Variants in ZNF710 observed in about 807,000 individuals in gnomAD.
ZNF710 encodes zinc finger protein 710.
Under a neutral mutation model 50.6 loss-of-function variants are expected in ZNF710, and 13 were observed. The observed-to-expected ratio is 0.26, with a 90% confidence interval of 0.17 to 0.41. The LOEUF (loss-of-function observed/expected upper bound fraction) is 0.41. ZNF710 is among the 10% of genes least tolerant of loss of function. The probability of loss-of-function intolerance (pLI) is 1.00; values close to 1 mark genes in which losing one functional copy is unlikely to be tolerated. For synonymous variants in ZNF710, 383 were observed against 397.0 expected (o/e 0.96, Z 0.42); for missense variants, 721 against 936.6 (o/e 0.77, Z 3.01).
At chr15:90,021,419 T>C (rs930266887) in intron 1 of ZNF710, among the ~76,000 whole-genome samples, 7 of 152,232 alleles carry the variant, frequency 4.6e-5, no homozygotes, top group African/African-American at 9.6e-5. Flanking sequence ...CTACTTTTCA[T>C]AGCTACACTG....
chr15:90,056,363 G>A (rs768439338), intron 1 of ZNF710, among the ~76,000 whole-genome samples: 9 of 151,994 alleles, frequency 5.9e-5, no homozygotes, highest in Non-Finnish European at 1.0e-4. Flanking sequence ...GCGGTGAGCC[G>A]AGATCATACC....
At chr15:89,998,582 C>T (rs1022793686), upstream of ZNF710, among the ~76,000 whole-genome samples, 1 of 152,144 alleles carries the variant, frequency 6.6e-6, no homozygotes, top group African/African-American at 2.4e-5. Flanking sequence ...TGGTTTCAAC[C>T]CTGAACGTAA....
Position 90,059,039 on chromosome 15 carries a change from C to T in ZNF710, c.-28-8071C>T, listed in dbSNP as rs7171926. ...TAGCTTAGCCAAGCACACAGCCGGG[C>T]ACCATAGCTTAGCCAAGATGACGCA... On this transcript the variant is annotated intron_variant, in intron 1 of 4. Transcript: ENST00000268154. The surrounding 1 kb of genome is among the most constrained non-coding windows in gnomAD (Gnocchi z 4.1). Among the ~76,000 whole-genome samples the T allele has an allele frequency of 0.11, 16,929 of 152,214 alleles. 3,149 individuals carry two copies. The highest frequency in any genetic ancestry group is 0.38 in the African/African-American group (15,908 of 41,448).
chr15:90,071,304 G>A (rs1300997055), intron 2 of ZNF710, among the ~76,000 whole-genome samples: 1 of 150,246 alleles, frequency 6.7e-6, no homozygotes, highest in Non-Finnish European at 1.5e-5. Flanking sequence ...TGTTAATACT[G>A]TGAAGAAAAG....
At chr15:90,047,819 T>C (rs1462242518) in intron 1 of ZNF710, among the ~76,000 whole-genome samples, 1 of 152,068 alleles carries the variant, frequency 6.6e-6, no homozygotes. Flanking sequence ...ACTCCTGACC[T>C]CAAATGATCC....
chr15:90,022,112 T>A (rs1346214473), intron 1 of ZNF710, among the ~76,000 whole-genome samples: 1 of 151,762 alleles, frequency 6.6e-6, no homozygotes, highest in Non-Finnish European at 1.5e-5. Flanking sequence ...GTACAGTGGC[T>A]CACGCCTGTA....
At chr15:90,056,916 T>G (rs1259098163) in intron 1 of ZNF710, among the ~76,000 whole-genome samples, 1 of 152,102 alleles carries the variant, frequency 6.6e-6, no homozygotes, top group African/African-American at 2.4e-5. Context: ...GGGGGTTGAT[T>G]GCCAGCGAGG....
intron 1 of ZNF710, among the ~76,000 whole-genome samples, chr15:90,010,781 T>G (rs1898277395): frequency 6.6e-6 from 1 of 152,190 alleles, no homozygotes; most frequent in Admixed American, 6.5e-5. Context: ...GAAAGGATCT[T>G]GCTGTGTCAC....
chr15:90,030,585 T>G (rs1437865464), intron 1 of ZNF710, among the ~76,000 whole-genome samples: 1 of 151,936 alleles, frequency 6.6e-6, no homozygotes, highest in Non-Finnish European at 1.5e-5. Flanking sequence ...ACAGAGTGTG[T>G]GTTAACCAGT....
rs60950814 is a variant in ZNF710 at position 90,034,202 on chromosome 15, A to AAAAAG, written c.-29+32613_-29+32617dup. 0.062 allele frequency among the ~76,000 whole-genome samples: 9,325 copies of AAAAAG among 151,070 alleles called. 344 individuals are homozygous for AAAAAG. The highest frequency in any genetic ancestry group is 0.093 in the African/African-American group (3,807 of 40,818). ...GACAGAGTGAGACTCTGTCTCAAAA[A>AAAAAG]AAAAGAAAAGAAAAGAAAAGAAAAG... is the stretch of plus-strand genomic sequence containing the variant. On this transcript the variant is annotated intron_variant, in intron 1 of 4. Transcript: ENST00000268154. This position sits in a 1 kb window ranked among gnomAD's most constrained non-coding sequence, Gnocchi z 4.0.
chr15:90,003,314 G>T (rs751663888), intron 1 of ZNF710, among the ~76,000 whole-genome samples: 6 of 152,086 alleles, frequency 3.9e-5, no homozygotes, highest in Non-Finnish European at 7.4e-5. Context: ...ACTCCCGGCC[G>T]GTATCGACCT....
chr15:90,014,502 C>A, intron 1 of ZNF710, among the ~76,000 whole-genome samples: 4 of 143,558 alleles, frequency 2.8e-5, no homozygotes, highest in Non-Finnish European at 3.0e-5. Flanking sequence ...CATAGTGAGA[C>A]CCTATCTCTT....
At chr15:90,037,946 C>T (rs891072334) in intron 1 of ZNF710, among the ~76,000 whole-genome samples, 1 of 152,170 alleles carries the variant, frequency 6.6e-6, no homozygotes, top group African/African-American at 2.4e-5. Context: ...GGTGAAGAGG[C>T]AGTGAGGGTC....
intron 1 of ZNF710, among the ~76,000 whole-genome samples, chr15:90,056,878 G>A (rs1899835488): frequency 6.6e-6 from 1 of 152,138 alleles, no homozygotes; most frequent in Admixed American, 6.5e-5. Context: ...AAGAACCAGA[G>A]GCCCACCCAA....
chr15:90,067,602 C>A lies in ZNF710; in HGVS notation c.465C>A (p.Ala155=). The A allele has an allele frequency of 6.2e-7, 1 of 1,610,810 alleles. No individual in the cohort carries two copies. The highest frequency in any genetic ancestry group is 8.5e-7 in the Non-Finnish European group (1 of 1,178,728). Residue 155 remains alanine, a synonymous_variant, in exon 2 of 5, where the codon GCC becomes GCA. Transcript: ENST00000268154. This position sits in a 1 kb window ranked among gnomAD's most constrained non-coding sequence, Gnocchi z 8.1. Reference sequence around the variant, plus strand: ...GCGACGCCCTGGTGCAGAGCAGCGCCGTCAAGATGATCGACCTCAGCGCCT... The same window carrying A: ...GCGACGCCCTGGTGCAGAGCAGCGCAGTCAAGATGATCGACCTCAGCGCCT... ...GGCDALVQSS[A]VKMIDLSAFS...
intron 1 of ZNF710, among the ~76,000 whole-genome samples, chr15:90,039,606 C>T (rs1010970845): frequency 2.0e-5 from 3 of 152,166 alleles, no homozygotes; most frequent in Admixed American, 6.5e-5. Flanking sequence ...GACTGCAAGT[C>T]ATGATTAGGA....
At chr15:90,044,461 C>T in intron 1 of ZNF710, among the ~76,000 whole-genome samples, 1 of 152,196 alleles carries the variant, frequency 6.6e-6, no homozygotes, top group East Asian at 1.9e-4. Flanking sequence ...ACGACACAAG[C>T]TGGACCGACA....
At chr15:90,050,768 GTT>G (rs538660144) in intron 1 of ZNF710, among the ~76,000 whole-genome samples, 1 of 143,576 alleles carries the variant, frequency 7.0e-6, no homozygotes, top group African/African-American at 2.5e-5. Context: ...CCTTAAGTTT[GTT>G]TTTTTTTTTT....
upstream of ZNF710, among the ~76,000 whole-genome samples, chr15:89,999,974 G>A (rs1166101543): frequency 1.3e-5 from 2 of 151,820 alleles, no homozygotes; most frequent in East Asian, 1.9e-4. Context: ...CCTTCCTCCC[G>A]GTGACCTGGT....
Sources: gnomAD v4.1 joint callset for allele counts (sites outside exome capture counted in the v4.1 genomes callset) on GRCh38, gnomAD v4.1.1 for gene constraint, Gnocchi (gnomAD v3.1) non-coding constraint, MANE v1.5 for transcripts, NCBI Gene and HGNC (gene_info 2026-07-23, HGNC 2026-07-21) for gene names.